Variants in LRCOL1 observed in about 807,000 individuals in gnomAD.
The protein encoded by LRCOL1 is leucine rich colipase like 1, also known as leucine-rich colipase-like protein 1.
Under a neutral mutation model 21.6 loss-of-function variants are expected in LRCOL1, and 21 were observed. That is an observed-to-expected ratio of 0.97 (90% CI 0.69 to 1.40). The LOEUF (loss-of-function observed/expected upper bound fraction) is 1.40, where lower values mean the gene tolerates loss of function less well. LRCOL1 is among the 40% of genes most tolerant of loss of function. LRCOL1 has a pLI of 0.00. For synonymous variants in LRCOL1, 98 were observed against 90.1 expected (o/e 1.09, Z -0.49); for missense variants, 198 against 202.3 (o/e 0.98, Z 0.13).
intron 2 of LRCOL1, chr12:132,605,209 G>T: frequency 1.1e-6 from 1 of 871,278 alleles, no homozygotes; most frequent in Non-Finnish European, 1.4e-6. Context: ...GAGGTGAGCT[G>T]AGAGCCAGGC....
chr12:132,604,284 C>A lies in LRCOL1; in HGVS notation c.447G>T (p.Arg149=), dbSNP rs1042248987. Residue 149 remains arginine, a synonymous_variant, in exon 5 of 6, where the codon CGG becomes CGT. Transcript: ENST00000376608. ...REYSPFRCIP[R]TGILAQCLPL The stretch of plus-strand genomic sequence containing the variant: ...GCAGGCACTGGGCCAGGATCCCGGT[C>A]CGGGGAATGCAGCGGAAGGGGCTGT... 75 of 1,535,360 alleles carry A rather than the reference C, an allele frequency of 4.9e-5. No individual in the cohort carries two copies. The Admixed American group carries it at 1.5e-3, about 30-fold the overall frequency.
At chr12:132,603,674 C>T (rs1473924797) in intron 5 of LRCOL1, 1 of 985,142 alleles carries the variant, frequency 1.0e-6, no homozygotes, top group African/African-American at 1.7e-5. Context: ...ACAAACCTCA[C>T]CTCTGGGTGC....
At chr12:132,608,027 CTCTG>C (rs1566280524) in intron 1 of LRCOL1, among the ~76,000 whole-genome samples, 2 of 142,500 alleles carry the variant, frequency 1.4e-5, no homozygotes, top group African/African-American at 5.2e-5. Context: ...CTCTGTCTCT[CTCTG>C]TCTCTGTCTC....
Position 132,604,603 on chromosome 12 carries a change from G to A in LRCOL1, c.232-19C>T, listed in dbSNP as rs183076880. 1.3e-5 allele frequency: 20 copies of A among 1,528,980 alleles called. No individual in the cohort carries two copies. Among genetic ancestry groups the A allele is most frequent in the Middle Eastern group, 3.4e-4 (2 of 5,964 alleles). 94.7% of individuals were successfully genotyped at this position (1,528,980 alleles called of 1,614,324 possible). On this transcript the variant is annotated intron_variant, in intron 3 of 5. Transcript: ENST00000376608. ...CATTGGGCTATGGGACAGGAGACGC[G>A]TCATCCCTGCACCCACCATCCACTC... is the stretch of plus-strand genomic sequence containing the variant.
rs4883635 is a variant in LRCOL1, at chr12:132,603,230, C to T, written c.*172G>A. 59,804 of 965,778 alleles carry T rather than the reference C, an allele frequency of 0.062. 3,853 individuals are homozygous for T. The highest frequency in any genetic ancestry group is 0.27 in the African/African-American group (16,321 of 60,494). 59.8% of individuals were successfully genotyped at this position (965,778 alleles called of 1,614,324 possible). ...CTGGGATTTGTTCTCACAGACACTT[C>T]GCGCCACCAGGCTGGTCACAGCCTT... On this transcript the variant is annotated 3_prime_UTR_variant, in exon 6 of 6. Transcript: ENST00000376608.
At chr12:132,608,091 G>A (rs1179567563) in intron 1 of LRCOL1, among the ~76,000 whole-genome samples, 1 of 151,988 alleles carries the variant, frequency 6.6e-6, no homozygotes, top group Non-Finnish European at 1.5e-5. Context: ...GTTATCTCGC[G>A]TGCACTCAGG....
Position 132,604,845 on chromosome 12 carries a change from C to T in LRCOL1, c.106-14G>A, listed in dbSNP as rs2041283529. ...CTCCCCGATGCCCTGAAACACCACTCACCAGCTCGCTCACCTGTTCCTGGG... is the reference window on the plus strand; with the variant it reads ...CTCCCCGATGCCCTGAAACACCACTTACCAGCTCGCTCACCTGTTCCTGGG... On this transcript the variant is annotated splice_polypyrimidine_tract_variant and intron_variant, in intron 2 of 5. Transcript: ENST00000376608. 1 of 1,535,224 alleles carries T rather than the reference C, an allele frequency of 6.5e-7. No individual in the cohort carries two copies. The highest frequency in any genetic ancestry group is 1.4e-5 in the African/African-American group (1 of 73,020).
rs149691908 is a variant in LRCOL1, at chr12:132,608,621, C to T, written c.-14+1702G>A. On this transcript the variant is annotated intron_variant, in intron 1 of 5. Coordinates refer to ENST00000376608, the MANE Select transcript of LRCOL1 (RefSeq NM_001195520.2). The stretch of plus-strand genomic sequence containing the variant: ...TTGCTCTGTTGCCCAGGCTGGAGTG[C>T]AGTGGCACAATCGCAGCTCACTGCA... Among the ~76,000 whole-genome samples, 1,149 of 152,340 alleles carry T rather than the reference C, an allele frequency of 7.5e-3. 13 individuals carry two copies. The highest frequency in any genetic ancestry group is 0.026 in the African/African-American group (1,095 of 41,576).
rs1417608310 is a variant in LRCOL1, at chr12:132,606,219, C to T, written c.33G>A (p.Leu11=). MAGPGWTLLL[L]LLLLLLLGSM... ...ACCCCAGCAGCAGCAGCAGCAGCAG[C>T]AGTAGCAGCAGCGTCCACCCCGGGC... Residue 11 remains leucine (L), a synonymous_variant, in exon 2 of 6, where the codon CTG becomes CTA. Transcript: ENST00000376608. The surrounding 1 kb of genome is among the most constrained non-coding windows in gnomAD (Gnocchi z 4.6). 2.0e-6 allele frequency: 3 copies of T among 1,536,382 alleles called. No individual in the cohort carries two copies. The highest frequency in any genetic ancestry group is 1.7e-4 in the Middle Eastern group (1 of 6,004).
In LRCOL1 at chr12:132,603,341, C is replaced by T. The variant is rs775045016; in HGVS notation, c.*61G>A. On this transcript the variant is annotated 3_prime_UTR_variant, in exon 6 of 6. Transcript: ENST00000376608. The stretch of plus-strand genomic sequence containing the variant: ...CGCTGGAACCAGCCCCCGCGCAACG[C>T]GGTCCTGCGTGAACATCCCAGGGCC... 3.3e-6 allele frequency: 5 copies of T among 1,534,644 alleles called. No individual in the cohort carries two copies. Among genetic ancestry groups the T allele is most frequent in the East Asian group, 2.4e-5 (1 of 40,874 alleles).
chr12:132,604,656 G>T, intron 3 of LRCOL1, 50 bp downstream of exon 3: 2 of 1,527,454 alleles, frequency 1.3e-6, no homozygotes, highest in Non-Finnish European at 1.8e-6. Context: ...AGGTAGGAGG[G>T]GGCCACAGGC....
chr12:132,605,244 GC>G, intron 2 of LRCOL1: 1 of 519,194 alleles, frequency 1.9e-6, no homozygotes, highest in Non-Finnish European at 2.5e-6. Context: ...ACGGCTTGTA[GC>G]CACCCCCCAC....
chr12:132,604,658 GCCACAGGCAGTCTCGCT>G, intron 3 of LRCOL1, 31 bp downstream of exon 3: 17 of 1,527,458 alleles, frequency 1.1e-5, no homozygotes, highest in Non-Finnish European at 1.5e-5. Flanking sequence ...GTAGGAGGGG[GCCACAGGCAGTCTCGCT>G]CCTCCACCCC....
In LRCOL1 at chr12:132,604,709, C is replaced by A; in HGVS notation, c.228G>T (p.Arg76Ser). The A allele has an allele frequency of 6.5e-7, 1 of 1,535,808 alleles. No individual in the cohort carries two copies. The highest frequency in any genetic ancestry group is 2.0e-5 in the Admixed American group (1 of 50,988). The part of the protein sequence containing the change: ...KTIFLQCLPW[R>S]KPNGYRCSHD... The stretch of plus-strand genomic sequence containing the variant: ...CCCGCCCCTGCACGCACCTCACCTT[C>A]CTCCAGGGCAGGCACTGCAGGAAGA... The change falls in exon 3 of 6, where the codon AGG (arginine) becomes AGT (serine). Residue 76 changes from arginine to serine, a missense_variant. Physicochemically the swap from Arg to Ser is moderately radical, Grantham distance 110. Coordinates refer to ENST00000376608, the MANE Select transcript of LRCOL1 (RefSeq NM_001195520.2).
intron 1 of LRCOL1, among the ~76,000 whole-genome samples, chr12:132,608,656 TC>T (rs2041341679): frequency 6.6e-6 from 1 of 152,206 alleles, no homozygotes; most frequent in African/African-American, 2.4e-5. Context: ...AGACTCAACC[TC>T]CTGGGCTCAG....
In LRCOL1 at chr12:132,605,074, G is replaced by A. The variant is rs564290165; in HGVS notation, c.106-243C>T. On this transcript the variant is annotated intron_variant, in intron 2 of 5. Transcript: ENST00000376608. ...GTGGAAGAGGGTAAACCAAGGCACT[G>A]AGGGCAAGGATGCAGCAGCAGAGCA... 74 of 1,334,690 alleles carry A rather than the reference G, an allele frequency of 5.5e-5. No homozygotes were observed. The South Asian group carries it at 1.2e-3, about 21-fold the overall frequency. The allele number at this position is 1,334,690 out of a possible 1,614,324, so 82.7% of individuals were successfully genotyped here. A position where few individuals can be genotyped will look rare whatever the true frequency, so the allele number is the denominator to read the frequency against.
chr12:132,608,513 C>A (rs1489722877), intron 1 of LRCOL1, among the ~76,000 whole-genome samples: 1 of 152,240 alleles, frequency 6.6e-6, no homozygotes, highest in Non-Finnish European at 1.5e-5. Flanking sequence ...ATGGCCACAT[C>A]CCCAGCCATC....
In LRCOL1 at chr12:132,606,469, C is replaced by G. The variant is rs1477196134; in HGVS notation, c.-13-205G>C. Among the ~76,000 whole-genome samples the G allele has an allele frequency of 6.6e-6, 1 of 152,202 alleles. No homozygotes were observed. The highest frequency in any genetic ancestry group is 2.4e-5 in the African/African-American group (1 of 41,442). ...CAGAAAATATAATTCTCATATGCCA[C>G]CTTCTTTCCCCTGCCTCAGTTTCCC... On this transcript the variant is annotated intron_variant, in intron 1 of 5. Coordinates refer to ENST00000376608, the MANE Select transcript of LRCOL1 (RefSeq NM_001195520.2). The surrounding 1 kb of genome is among the most constrained non-coding windows in gnomAD (Gnocchi z 4.6).
At position 132,606,198 on chromosome 12, in the gene LRCOL1, C is replaced by T; in HGVS notation, c.54G>A (p.Leu18=). The change falls in exon 2 of 6, where the codon CTG becomes CTA. Residue 18 remains leucine (L), a synonymous_variant. Transcript: ENST00000376608. This position sits in a 1 kb window ranked among gnomAD's most constrained non-coding sequence, Gnocchi z 4.6. ...LLLLLLLLLL[L]GSMAGYGPQK... ...GTGGCCCATACCCTGCCATGGACCC[C>T]AGCAGCAGCAGCAGCAGCAGCAGTA... 1.1e-6 allele frequency: 1 copy of T among 936,038 alleles called. No homozygotes were observed. 58.0% of individuals were successfully genotyped at this position (936,038 alleles called of 1,614,324 possible). A position where few individuals can be genotyped will look rare whatever the true frequency, so the allele number is the denominator to read the frequency against.
Sources: allele counts gnomAD v4.1 joint callset (sites outside exome capture counted in the v4.1 genomes callset), GRCh38; gene constraint gnomAD v4.1.1; non-coding constraint Gnocchi (gnomAD v3.1); transcripts MANE v1.5; gene names NCBI Gene and HGNC (gene_info 2026-07-23, HGNC 2026-07-21).